The following ASIC2 variants were observed in gnomAD, a reference collection of about 807,000 sequenced individuals.
The protein encoded by ASIC2 is acid-sensing ion channel 2.
Under a neutral mutation model 57.3 loss-of-function variants are expected in ASIC2, and 25 were observed. The ratio of observed to expected loss-of-function variants is 0.44; its 90% CI spans 0.32 to 0.61. The LOEUF (loss-of-function observed/expected upper bound fraction) is 0.61, where lower values mean the gene tolerates loss of function less well. ASIC2 is among the 20% of genes least tolerant of loss of function. ASIC2 has a pLI of 0.06. For synonymous variants in ASIC2, 319 were observed against 307.5 expected, an observed-to-expected ratio of 1.04 and a Z score of -0.39; for missense variants, 641 against 738.1, an observed-to-expected ratio of 0.87 and a Z score of 1.52.
chr17:33,661,274 A>G (rs1907254607), intron 1 of ASIC2, among the ~76,000 whole-genome samples: 1 of 152,252 alleles, frequency 6.6e-6, no homozygotes, highest in Admixed American at 6.5e-5. Flanking sequence ...CCCGAAGCTC[A>G]GAAAATAGTT....
chr17:33,029,254 A>C (rs1460731026), intron 3 of ASIC2, among the ~76,000 whole-genome samples: 2 of 152,270 alleles, frequency 1.3e-5, no homozygotes, highest in Non-Finnish European at 2.9e-5. Context: ...AAAACACCCT[A>C]GAAAGTTCGT....
chr17:33,941,092 G>C (rs1916182229), intron 1 of ASIC2, among the ~76,000 whole-genome samples: 1 of 152,318 alleles, frequency 6.6e-6, no homozygotes, highest in Admixed American at 6.5e-5. Context: ...AGAATGAGGG[G>C]CCAAGAGCTG....
intron 1 of ASIC2, among the ~76,000 whole-genome samples, chr17:33,449,846 C>T (rs921905894): frequency 6.6e-6 from 1 of 151,914 alleles, no homozygotes; most frequent in African/African-American, 2.4e-5. Context: ...ACAATCTTGG[C>T]TCACTCTAAC....
intron 1 of ASIC2, among the ~76,000 whole-genome samples, chr17:33,471,741 G>A (rs1913057961): frequency 6.6e-6 from 1 of 152,084 alleles, no homozygotes; most frequent in African/African-American, 2.4e-5. Context: ...TTAAGAGGAG[G>A]CAAATGTGTC....
intron 1 of ASIC2, among the ~76,000 whole-genome samples, chr17:33,858,928 C>A (rs1914034657): frequency 6.6e-6 from 1 of 152,206 alleles, no homozygotes; most frequent in Non-Finnish European, 1.5e-5. Context: ...TGGATTGACT[C>A]AGAAATTCCT....
At chr17:33,315,219 T>G (rs1232382915) in intron 1 of ASIC2, among the ~76,000 whole-genome samples, 1 of 152,152 alleles carries the variant, frequency 6.6e-6, no homozygotes, top group Non-Finnish European at 1.5e-5. Flanking sequence ...GAATGCACAA[T>G]TAAACAAATA....
intron 1 of ASIC2, among the ~76,000 whole-genome samples, chr17:33,686,043 G>A (rs181828417): frequency 1.3e-5 from 2 of 152,290 alleles, no homozygotes; most frequent in Non-Finnish European, 2.9e-5. Flanking sequence ...CTTGACGACA[G>A]TGTTCATCTT....
At chr17:33,150,108 A>C (rs1348001047) in intron 1 of ASIC2, among the ~76,000 whole-genome samples, 1 of 152,250 alleles carries the variant, frequency 6.6e-6, no homozygotes, top group Non-Finnish European at 1.5e-5. Flanking sequence ...GTTGACACAC[A>C]GCTTTCCTGA....
At chr17:33,755,868 C>T (rs1335525235) in intron 1 of ASIC2, among the ~76,000 whole-genome samples, 1 of 152,164 alleles carries the variant, frequency 6.6e-6, no homozygotes, top group African/African-American at 2.4e-5. Flanking sequence ...CCTTCACAGG[C>T]AAGTTAGGTG....
At chr17:33,522,159 T>C (rs116493469) in intron 1 of ASIC2, among the ~76,000 whole-genome samples, 4,404 of 152,310 alleles carry the variant, frequency 0.029, 230 homozygotes, top group African/African-American at 0.098. Context: ...CTGCTGTCCC[T>C]ACCAGGCAGC....
chr17:34,046,085 C>A (rs1908326639), intron 1 of ASIC2, among the ~76,000 whole-genome samples: 1 of 152,150 alleles, frequency 6.6e-6, no homozygotes, highest in Non-Finnish European at 1.5e-5. Flanking sequence ...CTGTTTCAGC[C>A]ATCTCTCTGC....
chr17:33,045,643 C>G (rs4794936), intron 3 of ASIC2, among the ~76,000 whole-genome samples: 138,939 of 152,124 alleles, frequency 0.91, 63,498 homozygotes, highest in African/African-American at 0.95. Flanking sequence ...AGGGTCATGG[C>G]GGGGGCCACC....
chr17:34,131,921 C>T (rs1039425287), intron 1 of ASIC2, among the ~76,000 whole-genome samples: 1 of 152,190 alleles, frequency 6.6e-6, no homozygotes, highest in African/African-American at 2.4e-5. Flanking sequence ...CTCTGAGGGA[C>T]ATTTAGGAAC....
chr17:33,634,482 C>G (rs1160923700), intron 1 of ASIC2, among the ~76,000 whole-genome samples: 1 of 151,394 alleles, frequency 6.6e-6, no homozygotes, highest in Non-Finnish European at 1.5e-5. Context: ...AGGCTTGATA[C>G]TGGATATTCA....
At chr17:33,306,777 C>T (rs1314415578) in intron 1 of ASIC2, among the ~76,000 whole-genome samples, 1 of 152,148 alleles carries the variant, frequency 6.6e-6, no homozygotes, top group African/African-American at 2.4e-5. Flanking sequence ...TGTCATTGCT[C>T]TGCTTAAAAT....
chr17:33,536,688 C>T (rs1915240368), intron 1 of ASIC2, among the ~76,000 whole-genome samples: 1 of 152,222 alleles, frequency 6.6e-6, no homozygotes, highest in Non-Finnish European at 1.5e-5. Context: ...TAACTCCTCA[C>T]ACAGTAGCCA....
At chr17:33,498,649 T>G (rs551365293) in intron 1 of ASIC2, among the ~76,000 whole-genome samples, 1 of 152,282 alleles carries the variant, frequency 6.6e-6, no homozygotes, top group East Asian at 1.9e-4. Flanking sequence ...GTCCCGGCAC[T>G]GCGCTGGGCT....
rs186421718 is a variant in ASIC2 at position 33,636,501 on chromosome 17, T to G, written c.555+519477A>C. On this transcript the variant is annotated intron_variant, in intron 1 of 9. Transcript: ENST00000359872. ...CTAACAGGACCCGCCCTGGCTGGTT[T>G]GAGAGCTAGTATTCAGGTGGAAAGC... Among the ~76,000 whole-genome samples, 391 of 152,294 alleles carry G rather than the reference T, an allele frequency of 2.6e-3. 2 individuals carry two copies. The highest frequency in any genetic ancestry group is 9.0e-3 in the African/African-American group (373 of 41,560).
chr17:33,675,844 T>G (rs929711215), intron 1 of ASIC2, among the ~76,000 whole-genome samples: 9 of 152,242 alleles, frequency 5.9e-5, no homozygotes, highest in African/African-American at 2.2e-4. Flanking sequence ...AGTGCTGGGA[T>G]TACAGGTGTA....
Sources: allele counts gnomAD v4.1 joint callset (sites outside exome capture counted in the v4.1 genomes callset), GRCh38; gene constraint gnomAD v4.1.1; transcripts MANE v1.5; gene names NCBI Gene and HGNC (gene_info 2026-07-23, HGNC 2026-07-21).